Variants in COL24A1 observed in about 807,000 individuals in gnomAD.
COL24A1 encodes collagen alpha-1(XXIV) chain.
A neutral mutation model predicts 253.9 loss-of-function variants in COL24A1; 224 were observed. That is an observed-to-expected ratio of 0.88 (90% confidence interval 0.79 to 0.99). The LOEUF is 0.99. Ranked by LOEUF, COL24A1 falls within the 50% of genes least tolerant of loss-of-function variation. The pLI is 0.00. For synonymous variants in COL24A1, 685 were observed against 673.7 expected, an observed-to-expected ratio of 1.02 and a Z score of -0.26; for missense variants, 2,131 against 2,068.5, an observed-to-expected ratio of 1.03 and a Z score of -0.59.
intron 39 of COL24A1, among the ~76,000 whole-genome samples, chr1:85,843,026 CA>C (rs899464566): frequency 5.0e-4 from 76 of 151,446 alleles, no homozygotes; most frequent in Non-Finnish European, 6.6e-4. Flanking sequence ...AACAAACAAA[CA>C]AAAAAAACCT....
chr1:85,874,040 G>T (rs1179688880), intron 35 of COL24A1, among the ~76,000 whole-genome samples: 1 of 152,070 alleles, frequency 6.6e-6, no homozygotes, highest in East Asian at 1.9e-4. Flanking sequence ...AAAGTAAAAA[G>T]GAAGAAGCCA....
In COL24A1 at chr1:86,015,871, ACT is replaced by A. The variant is rs1696936746; in HGVS notation, c.2310+1278_2310+1279del. On this transcript the variant is annotated intron_variant, in intron 19 of 59. Transcript: ENST00000370571. ...AACTAGCTACAATGAAGTTTTGAAG[ACT>A]CTACTTTTTCTTTTTTTTTTTTTTT... Among the ~76,000 whole-genome samples, 3 of 143,484 alleles carry A rather than the reference ACT, an allele frequency of 2.1e-5. No homozygotes were observed. The South Asian group carries it at 6.7e-4, about 32-fold the overall frequency. 94.1% of individuals were successfully genotyped at this position (143,484 alleles called of 152,430 possible).
chr1:85,730,650 T>A lies in COL24A1; in HGVS notation c.5041A>T (p.Thr1681Ser), dbSNP rs772576705. Residue 1681 changes from threonine to serine, a missense_variant, in exon 60 of 60, where the codon ACC (threonine) becomes TCC (serine). Physicochemically the swap from Thr to Ser is moderately conservative, Grantham distance 58. Transcript: ENST00000370571. ...ACTGGAAGTTGATTAGGTTCCTGGG[T>A]GTGAAAAAGAAATGTTGCCTTATGC... The part of the protein sequence containing the change: ...SWHKATFLFH[T>S]QEPNQLPVIE... 2.5e-6 allele frequency: 4 copies of A among 1,614,026 alleles called. No individual in the cohort carries two copies. Among genetic ancestry groups the A allele is most frequent in the Non-Finnish European group, 3.4e-6 (4 of 1,179,918 alleles).
At chr1:86,073,579 A>T (rs1702022792) in intron 7 of COL24A1, among the ~76,000 whole-genome samples, 1 of 152,232 alleles carries the variant, frequency 6.6e-6, no homozygotes. Context: ...TCCCCAACCT[A>T]GCAAGACAGA....
Position 85,965,049 on chromosome 1 carries a change from T to C in COL24A1, c.2477A>G (p.Gln826Arg). ...GELGPRGKPG[Q>R]KGYAGEPGPE... The stretch of plus-strand genomic sequence containing the variant: ...TCCTGGTTCACCTGCATACCCCTTT[T>C]GACCTGGTTTTCCCTAGAAGAGAAC... The change falls in exon 23 of 60, where the codon CAA becomes CGA. Residue 826 changes from glutamine (Q) to arginine (R), a missense_variant. Transcript: ENST00000370571. 1 of 1,610,830 alleles carries C rather than the reference T, an allele frequency of 6.2e-7. No individual in the cohort carries two copies. Among genetic ancestry groups the C allele is most frequent in the Non-Finnish European group, 8.5e-7 (1 of 1,178,072 alleles).
chr1:86,142,894 T>C (rs1480749080), intron 2 of COL24A1, among the ~76,000 whole-genome samples: 2 of 152,028 alleles, frequency 1.3e-5, no homozygotes, highest in South Asian at 2.1e-4. Flanking sequence ...GATAAATAGA[T>C]GATCTTAAGG....
At chr1:86,103,292 T>C (rs1323228080) in intron 5 of COL24A1, among the ~76,000 whole-genome samples, 1 of 152,196 alleles carries the variant, frequency 6.6e-6, no homozygotes, top group African/African-American at 2.4e-5. Flanking sequence ...GTAAGATGAA[T>C]CTCTTAAAGA....
At chr1:86,031,831 C>A (rs746063655) in intron 14 of COL24A1, 47 bp downstream of exon 14, 1 of 1,492,512 alleles carries the variant, frequency 6.7e-7, no homozygotes, top group South Asian at 1.2e-5. Context: ...ATATAAATTG[C>A]ACAATAAAAT....
At chr1:85,886,006 A>G (rs1682455552) in intron 32 of COL24A1, among the ~76,000 whole-genome samples, 1 of 151,410 alleles carries the variant, frequency 6.6e-6, no homozygotes, top group Non-Finnish European at 1.5e-5. Context: ...TGATTTTTAA[A>G]TCTTTTTTAG....
chr1:85,925,287 A>G (rs2103044277), intron 24 of COL24A1, among the ~76,000 whole-genome samples: 1 of 152,328 alleles, frequency 6.6e-6, no homozygotes, highest in East Asian at 1.9e-4. Flanking sequence ...CCATGAAGCT[A>G]CCAATGACTT....
chr1:85,951,469 C>T (rs902981773), intron 24 of COL24A1, among the ~76,000 whole-genome samples: 5 of 151,978 alleles, frequency 3.3e-5, no homozygotes, highest in African/African-American at 1.2e-4. Flanking sequence ...CAGAAACAGC[C>T]TGAAACAAAG....
intron 59 of COL24A1, among the ~76,000 whole-genome samples, chr1:85,731,640 G>A (rs376190870): frequency 1.8e-3 from 267 of 152,274 alleles, no homozygotes; most frequent in African/African-American, 6.2e-3. Flanking sequence ...TTCTTATAGT[G>A]CTTGTGAAAT....
chr1:85,995,060 A>G (rs1694647008), intron 19 of COL24A1, among the ~76,000 whole-genome samples: 1 of 152,212 alleles, frequency 6.6e-6, no homozygotes, highest in African/African-American at 2.4e-5. Flanking sequence ...AACTCAACAG[A>G]GAAAATCCAC....
intron 32 of COL24A1, chr1:85,883,789 G>C (rs1682150148): frequency 6.6e-6 from 1 of 151,956 alleles, no homozygotes; most frequent in African/African-American, 2.4e-5. Context: ...AGGGTGCTAT[G>C]GCCATTGATC....
At chr1:85,849,753 G>A (rs1337827192) in intron 37 of COL24A1, among the ~76,000 whole-genome samples, 1 of 152,080 alleles carries the variant, frequency 6.6e-6, no homozygotes, top group East Asian at 1.9e-4. Context: ...TGTAAAACAC[G>A]TTTAACTAAA....
intron 19 of COL24A1, among the ~76,000 whole-genome samples, chr1:85,995,382 C>A (rs1399542218): frequency 1.3e-5 from 2 of 152,078 alleles, no homozygotes; most frequent in Admixed American, 6.5e-5. Context: ...GATCTGTGCC[C>A]AGATATTCAC....
chr1:85,748,621 C>G (rs1001226045), intron 55 of COL24A1, among the ~76,000 whole-genome samples: 1 of 148,966 alleles, frequency 6.7e-6, no homozygotes, highest in Non-Finnish European at 1.5e-5. Context: ...ATCTGAGGTA[C>G]CGGGTTCATC....
intron 24 of COL24A1, among the ~76,000 whole-genome samples, chr1:85,925,894 G>A (rs1309119884): frequency 2.6e-5 from 4 of 152,030 alleles, no homozygotes; most frequent in Non-Finnish European, 4.4e-5. Context: ...GCAACCTACA[G>A]AATGGGAGAA....
intron 2 of COL24A1, among the ~76,000 whole-genome samples, chr1:86,145,555 G>A (rs1651759346): frequency 6.6e-6 from 1 of 151,978 alleles, no homozygotes; most frequent in African/African-American, 2.4e-5. Context: ...CATCAATCAT[G>A]TTTAAATGAA....
Sources: allele counts gnomAD v4.1 joint callset (sites outside exome capture counted in the v4.1 genomes callset), GRCh38; gene constraint gnomAD v4.1.1; transcripts MANE v1.5; gene names NCBI Gene and HGNC (gene_info 2026-07-23, HGNC 2026-07-21).